Variants in CFAP47 observed in about 807,000 individuals in gnomAD.
CFAP47 encodes the protein cilia- and flagella-associated protein 47.
A neutral mutation model predicts 148.1 loss-of-function variants in CFAP47; 29 were observed. That is an observed-to-expected ratio of 0.20 (90% CI 0.15 to 0.27). The LOEUF (loss-of-function observed/expected upper bound fraction) is 0.27, where lower values mean the gene tolerates loss of function less well. Ranked by LOEUF, CFAP47 falls within the 10% of genes least tolerant of loss-of-function variation. The pLI is 1.00. For missense variants in CFAP47, 1,872 were observed against 1,697.5 expected (o/e 1.10, Z -1.81); for synonymous variants, 664 against 577.3 (o/e 1.15, Z -2.15).
At chrX:36,137,619 T>C (rs185703999) in intron 33 of CFAP47, among the ~76,000 whole-genome samples, 1 of 111,021 alleles carries the variant, frequency 9.0e-6, no homozygotes, top group East Asian at 2.9e-4. Context: ...TTACCCATGT[T>C]GATGATCATT....
chrX:36,230,763 A>C (rs1384676495), intron 46 of CFAP47, among the ~76,000 whole-genome samples: 1 of 107,313 alleles, frequency 9.3e-6, no homozygotes, highest in Non-Finnish European at 1.9e-5. Context: ...TTAAGTCTTT[A>C]ATCCATCTTG....
chrX:36,224,320 A>G (rs782613222), intron 45 of CFAP47, among the ~76,000 whole-genome samples: 13 of 111,563 alleles, frequency 1.2e-4, no homozygotes, highest in African/African-American at 2.9e-4. Context: ...ACAATGTAGA[A>G]TTGGAACCAA....
chrX:36,285,856 T>A (rs992397954), intron 51 of CFAP47, 130 bp downstream of exon 51: 49 of 465,444 alleles, frequency 1.1e-4, no homozygotes, highest in Non-Finnish European at 1.5e-4. Flanking sequence ...AATTAGTCAA[T>A]CATAGCAATT....
intron 63 of CFAP47, among the ~76,000 whole-genome samples, chrX:36,380,963 G>T (rs1333497528): frequency 8.9e-6 from 1 of 112,085 alleles, no homozygotes; most frequent in Non-Finnish European, 1.9e-5. Context: ...AAGATTTTAT[G>T]TGAGGGAACA....
At chrX:36,056,032 A>G (rs1285407748) in intron 26 of CFAP47, among the ~76,000 whole-genome samples, 1 of 110,542 alleles carries the variant, frequency 9.0e-6, no homozygotes, top group African/African-American at 3.3e-5. Flanking sequence ...GATTTCTTTA[A>G]GTTCCTTGTA....
rs182598599 is a variant in CFAP47, at chrX:35,935,294, C to A, written c.402-5989C>A. Among the ~76,000 whole-genome samples, 349 of 112,126 alleles carry A rather than the reference C, an allele frequency of 3.1e-3. 1 individual carries two copies. Among genetic ancestry groups the A allele is most frequent in the African/African-American group, 0.011 (335 of 30,870 alleles). On this transcript the variant is annotated intron_variant, in intron 2 of 63. Coordinates refer to ENST00000378653, the MANE Select transcript of CFAP47 (RefSeq NM_001304548.2). ...GGCTAGTGCTGGTTTAAATGTTCCC[C>A]CCATGGGCAGGCATCAGCTTAGTTC...
intron 51 of CFAP47, among the ~76,000 whole-genome samples, chrX:36,288,773 C>T (rs1352454882): frequency 2.7e-5 from 3 of 110,961 alleles, no homozygotes; most frequent in African/African-American, 9.8e-5. Context: ...TGGCTTATGC[C>T]TGTAATCCCA....
At chrX:35,992,329 G>A (rs1030981463) in intron 17 of CFAP47, among the ~76,000 whole-genome samples, 9 of 110,835 alleles carry the variant, frequency 8.1e-5, no homozygotes, top group Non-Finnish European at 1.5e-4. Flanking sequence ...CCATTCTGGA[G>A]AGAGTATGTT....
At position 36,014,906 on chromosome X, in the gene CFAP47, G is replaced by A; in HGVS notation, c.3550G>A (p.Ala1184Thr). The A allele has an allele frequency of 3.4e-6, 1 of 294,443 alleles. No individual in the cohort carries two copies. The highest frequency in any genetic ancestry group is 4.8e-5 in the East Asian group (1 of 20,829). 24.3% of individuals were successfully genotyped at this position (294,443 alleles called of 1,213,427 possible). A position where few individuals can be genotyped will look rare whatever the true frequency, so the allele number is the denominator to read the frequency against. ...VPLIRPCYVQATALQSPLNLS... is the reference protein window; with the variant it reads ...VPLIRPCYVQTTALQSPLNLS... ...ACTTATCCGACCATGTTACGTTCAA[G>A]CTACTGGTATGTAATATAAAATAAT... is the stretch of plus-strand genomic sequence containing the variant. Residue 1184 changes from alanine (A) to threonine (T), a missense_variant, in exon 22 of 64, where the codon GCT becomes ACT. Transcript: ENST00000378653.
rs1039853632 is a variant in CFAP47, at chrX:36,064,571, AT to A, written c.4218-1065del. ...AACTCATTATATTTCAGCTATGAAC[AT>A]TTTTTTACTTTCATCCTATTCTATA... On this transcript the variant is annotated intron_variant, in intron 26 of 63. Coordinates refer to ENST00000378653, the MANE Select transcript of CFAP47 (RefSeq NM_001304548.2). Among the ~76,000 whole-genome samples, 14 of 111,695 alleles carry A rather than the reference AT, an allele frequency of 1.3e-4. No individual in the cohort carries two copies. The South Asian group carries it at 3.3e-3, about 27-fold the overall frequency.
At chrX:35,924,924 G>A (rs1228543247) in intron 1 of CFAP47, among the ~76,000 whole-genome samples, 2 of 111,396 alleles carry the variant, frequency 1.8e-5, no homozygotes, top group East Asian at 2.8e-4. Flanking sequence ...ATTCAGACTC[G>A]TAGAAGTAGA....
At chrX:36,044,068 C>T (rs966252424) in intron 25 of CFAP47, among the ~76,000 whole-genome samples, 5 of 113,230 alleles carry the variant, frequency 4.4e-5, no homozygotes, top group African/African-American at 1.6e-4. Context: ...TGAGCTGTAC[C>T]TTGGCCCCTT....
chrX:36,366,837 T>C, intron 61 of CFAP47, 129 bp from the exon 62 acceptor site: 1 of 334,039 alleles, frequency 3.0e-6, no homozygotes. Context: ...TTTTTAAGAA[T>C]TAAATGTCCT....
At chrX:36,185,589 A>G (rs1269899236) in intron 40 of CFAP47, among the ~76,000 whole-genome samples, 1 of 112,177 alleles carries the variant, frequency 8.9e-6, no homozygotes, top group Non-Finnish European at 1.9e-5. Context: ...CTAAACACAT[A>G]AGATAAGATG....
chrX:35,923,973 G>A (rs753345796), intron 1 of CFAP47, among the ~76,000 whole-genome samples: 3 of 81,671 alleles, frequency 3.7e-5, no homozygotes, highest in African/African-American at 7.2e-5. Context: ...ATATGTGTAT[G>A]TATGTGTATA....
In CFAP47 at chrX:36,347,978, G is replaced by A. The variant is rs1197820840; in HGVS notation, c.8444-151G>A. ...GGCATCTAAGGTAAAATAGTGAAGCGAACTTATAATTTTGCATAATGCGTT... is the reference window on the plus strand; with the variant it reads ...GGCATCTAAGGTAAAATAGTGAAGCAAACTTATAATTTTGCATAATGCGTT... On this transcript the variant is annotated intron_variant, in intron 57 of 63. Coordinates refer to ENST00000378653, the MANE Select transcript of CFAP47 (RefSeq NM_001304548.2). 1.5e-4 allele frequency: 40 copies of A among 261,090 alleles called. No homozygotes were observed. The East Asian group carries it at 2.2e-3, about 15-fold the overall frequency. The allele number at this position is 261,090 out of a possible 1,213,427, so 21.5% of individuals were successfully genotyped here.
intron 48 of CFAP47, among the ~76,000 whole-genome samples, chrX:36,244,235 G>A (rs1940587001): frequency 9.0e-6 from 1 of 111,336 alleles, no homozygotes; most frequent in Non-Finnish European, 1.9e-5. Context: ...CAGCTAAAGC[G>A]ATGTTAAGAG....
chrX:36,241,297 G>A (rs185903108), intron 48 of CFAP47, among the ~76,000 whole-genome samples: 483 of 112,014 alleles, frequency 4.3e-3, no homozygotes, highest in Middle Eastern at 0.018. Flanking sequence ...GCATGAAGCA[G>A]CTCTGTTGGA....
intron 51 of CFAP47, 101 bp downstream of exon 51, chrX:36,285,827 A>G: frequency 1.7e-6 from 1 of 589,138 alleles, no homozygotes; most frequent in Non-Finnish European, 2.6e-6. Flanking sequence ...GGTCTGTATC[A>G]GATGATTGTA....
Sources: allele counts gnomAD v4.1 joint callset (sites outside exome capture counted in the v4.1 genomes callset), GRCh38; gene constraint gnomAD v4.1.1; transcripts MANE v1.5; gene names NCBI Gene and HGNC (gene_info 2026-07-23, HGNC 2026-07-21).